The following ZFYVE9 variants were observed in gnomAD, a reference collection of about 807,000 sequenced individuals.
The protein encoded by ZFYVE9 is zinc finger FYVE domain-containing protein 9.
ZFYVE9 carries 43 observed loss-of-function variants against 126.7 expected under a neutral mutation model. The ratio of observed to expected loss-of-function variants is 0.34; its 90% CI spans 0.27 to 0.44. The LOEUF (loss-of-function observed/expected upper bound fraction) is 0.44. Ranked by LOEUF, ZFYVE9 falls within the 20% of genes least tolerant of loss-of-function variation. ZFYVE9 has a pLI of 1.00. For missense variants in ZFYVE9, 1,476 were observed against 1,697.0 expected, an observed-to-expected ratio of 0.87 and a Z score of 2.29; for synonymous variants, 521 against 597.4, an observed-to-expected ratio of 0.87 and a Z score of 1.87.
chr1:52,262,062 G>T (rs114423899), intron 4 of ZFYVE9, among the ~76,000 whole-genome samples: 3 of 152,242 alleles, frequency 2.0e-5, no homozygotes, highest in Non-Finnish European at 4.4e-5. Flanking sequence ...AGACTAGATG[G>T]CTTATAAATA....
chr1:52,308,932 A>G (rs964527955), intron 13 of ZFYVE9, among the ~76,000 whole-genome samples: 1 of 152,252 alleles, frequency 6.6e-6, no homozygotes, highest in African/African-American at 2.4e-5. Flanking sequence ...GGATGAAGAC[A>G]TGAAACAGAT....
At chr1:52,293,333 T>G in intron 10 of ZFYVE9, 120 bp from the exon 11 acceptor site, 12 of 815,132 alleles carry the variant, frequency 1.5e-5, no homozygotes, top group Non-Finnish European at 2.1e-5. Flanking sequence ...GAGCCAAGAT[T>G]GCGCCACTGC....
At chr1:52,233,722 C>G (rs561769454) in intron 3 of ZFYVE9, among the ~76,000 whole-genome samples, 48 of 152,298 alleles carry the variant, frequency 3.2e-4, no homozygotes, top group African/African-American at 1.2e-3. Context: ...TCACAACTGC[C>G]TAAGTGGTTA....
intron 4 of ZFYVE9, chr1:52,253,713 G>A (rs941377470): frequency 6.2e-7 from 1 of 1,605,926 alleles, no homozygotes; most frequent in African/African-American, 1.3e-5. Context: ...AAGCTGTTTG[G>A]TCACTCTCAT....
At chr1:52,268,439 G>C in intron 6 of ZFYVE9, 24 bp from the exon 7 acceptor site, 1 of 1,603,498 alleles carries the variant, frequency 6.2e-7, no homozygotes, top group South Asian at 1.1e-5. Flanking sequence ...ATTGATGCCT[G>C]TTTTATTTTT....
chr1:52,208,482 T>G (rs1280646882), intron 1 of ZFYVE9, among the ~76,000 whole-genome samples: 1 of 151,806 alleles, frequency 6.6e-6, no homozygotes, highest in Non-Finnish European at 1.5e-5. Flanking sequence ...GAAAACATGG[T>G]TTAAGTCTGA....
intron 13 of ZFYVE9, among the ~76,000 whole-genome samples, chr1:52,332,171 A>G (rs1646348603): frequency 6.6e-6 from 1 of 152,028 alleles, no homozygotes; most frequent in Non-Finnish European, 1.5e-5. Flanking sequence ...GTTCTTACAT[A>G]TTACATGCAA....
chr1:52,219,799 GT>G (rs1645106847), intron 2 of ZFYVE9, among the ~76,000 whole-genome samples: 9 of 145,822 alleles, frequency 6.2e-5, no homozygotes, highest in African/African-American at 7.7e-5. Flanking sequence ...GTGTGTGTGT[GT>G]GTGGCAGAGT....
chr1:52,325,646 T>G (rs933299057), intron 13 of ZFYVE9, among the ~76,000 whole-genome samples: 2 of 152,248 alleles, frequency 1.3e-5, no homozygotes, highest in Admixed American at 6.5e-5. Context: ...GTTTTATGAC[T>G]ATTACAAGCC....
chr1:52,345,004 G>A (rs923680087), intron 18 of ZFYVE9, 60 bp downstream of exon 18: 27 of 1,584,810 alleles, frequency 1.7e-5, no homozygotes, highest in Admixed American at 3.4e-5. Flanking sequence ...TATTTCTGAC[G>A]TGAGTTTTTC....
At position 52,219,129 on chromosome 1, in the gene ZFYVE9, C is replaced by T. The variant is rs528991281; in HGVS notation, c.-37+2655C>T. 5.3e-5 allele frequency among the ~76,000 whole-genome samples: 8 copies of T among 151,834 alleles called. No homozygotes were observed. The East Asian group carries it at 1.4e-3, about 26-fold the overall frequency. ...CTGGAAGGCTTGTGGTCGTTGATTGCAAGGGTCGGGGGTGGTGCTGGTTTT... is the reference window on the plus strand; with the variant it reads ...CTGGAAGGCTTGTGGTCGTTGATTGTAAGGGTCGGGGGTGGTGCTGGTTTT... On this transcript the variant is annotated intron_variant, in intron 2 of 18. Coordinates refer to ENST00000287727, the MANE Select transcript of ZFYVE9 (RefSeq NM_004799.4).
At chr1:52,163,511 A>G (rs992622079) in intron 1 of ZFYVE9, among the ~76,000 whole-genome samples, 9 of 152,164 alleles carry the variant, frequency 5.9e-5, no homozygotes, top group African/African-American at 2.2e-4. Flanking sequence ...TTTATTTATT[A>G]ATTTTCTTTT....
At position 52,242,031 on chromosome 1, in the gene ZFYVE9, CTTT is replaced by C. The variant is rs975430437; in HGVS notation, c.2178+2457_2178+2459del. Among the ~76,000 whole-genome samples the C allele has an allele frequency of 4.7e-3, 505 of 106,402 alleles. 1 individual carries two copies. The highest frequency in any genetic ancestry group is 0.019 in the African/African-American group (478 of 25,796). The allele number at this position is 106,402 out of a possible 152,430, so 69.8% of individuals were successfully genotyped here. The stretch of plus-strand genomic sequence containing the variant: ...TTGGAATTTATGATGTCATGGCAAT[CTTT>C]TTTTTTTTTTTTTTTTTTTTGAGAC... On this transcript the variant is annotated intron_variant, in intron 4 of 18. Transcript: ENST00000287727.
intron 12 of ZFYVE9, among the ~76,000 whole-genome samples, chr1:52,297,611 A>G (rs1445345165): frequency 2.0e-5 from 3 of 152,010 alleles, no homozygotes; most frequent in African/African-American, 7.2e-5. Context: ...TAAGCCACTT[A>G]TACAGCTTTT....
intron 7 of ZFYVE9, among the ~76,000 whole-genome samples, chr1:52,273,783 C>T (rs1208975695): frequency 7.0e-6 from 1 of 142,882 alleles, no homozygotes; most frequent in Non-Finnish European, 1.5e-5. Context: ...GATGCCATTG[C>T]ACTCCAGCCT....
intron 10 of ZFYVE9, among the ~76,000 whole-genome samples, chr1:52,291,933 A>G (rs1303716764): frequency 6.6e-6 from 1 of 151,378 alleles, no homozygotes; most frequent in Non-Finnish European, 1.5e-5. Flanking sequence ...ATGAATTTAG[A>G]TAAGCCCTAA....
intron 10 of ZFYVE9, among the ~76,000 whole-genome samples, chr1:52,284,880 A>G (rs923715571): frequency 3.9e-5 from 6 of 152,222 alleles, no homozygotes; most frequent in South Asian, 2.1e-4. Flanking sequence ...AATATTTTCT[A>G]TAATGTAGGA....
intron 1 of ZFYVE9, among the ~76,000 whole-genome samples, chr1:52,183,353 C>CA (rs1011894959): frequency 3.3e-5 from 5 of 152,158 alleles, no homozygotes; most frequent in African/African-American, 1.2e-4. Context: ...TAGCAATCAC[C>CA]AACATATAGA....
At chr1:52,327,206 T>C (rs924300103) in intron 13 of ZFYVE9, among the ~76,000 whole-genome samples, 14 of 152,094 alleles carry the variant, frequency 9.2e-5, no homozygotes, top group African/African-American at 3.1e-4. Context: ...TTAAGCATTA[T>C]TCAAGGTTGA....
Sources: gnomAD v4.1 joint callset for allele counts (sites outside exome capture counted in the v4.1 genomes callset) on GRCh38, gnomAD v4.1.1 for gene constraint, MANE v1.5 for transcripts, NCBI Gene and HGNC (gene_info 2026-07-23, HGNC 2026-07-21) for gene names.